Variants in ADAM10 observed in about 807,000 individuals in gnomAD.
The protein encoded by ADAM10 is disintegrin and metalloproteinase domain-containing protein 10.
Under a neutral mutation model 90.1 loss-of-function variants are expected in ADAM10, and 17 were observed. The ratio of observed to expected loss-of-function variants is 0.19; its 90% confidence interval spans 0.13 to 0.28. The LOEUF (loss-of-function observed/expected upper bound fraction) is 0.28. Ranked by LOEUF, ADAM10 falls within the 10% of genes least tolerant of loss-of-function variation. The pLI is 1.00. For missense variants in ADAM10, 610 were observed against 914.3 expected, an observed-to-expected ratio of 0.67 and a Z score of 4.29; for synonymous variants, 310 against 298.6, an observed-to-expected ratio of 1.04 and a Z score of -0.40.
chr15:58,658,338 G>A (rs1484164687), intron 5 of ADAM10, among the ~76,000 whole-genome samples: 1 of 151,980 alleles, frequency 6.6e-6, no homozygotes, highest in Admixed American at 6.5e-5. Context: ...GACTCTCTAT[G>A]TTGCTACATT....
intron 1 of ADAM10, chr15:58,748,849 C>A (rs750573428): frequency 2.5e-6 from 1 of 398,662 alleles, no homozygotes; most frequent in Non-Finnish European, 4.4e-6. Flanking sequence ...GGCCACTAGT[C>A]TCAGATAAGC....
At chr15:58,692,224 T>C in intron 2 of ADAM10, 1 of 580,590 alleles carries the variant, frequency 1.7e-6, no homozygotes, top group Non-Finnish European at 3.4e-6. Flanking sequence ...TGCCCTGAAT[T>C]CCAAATGACC....
At chr15:58,718,665 T>A (rs1168689845) in intron 1 of ADAM10, among the ~76,000 whole-genome samples, 1 of 152,200 alleles carries the variant, frequency 6.6e-6, no homozygotes, top group Non-Finnish European at 1.5e-5. Context: ...TATAGCCCTA[T>A]CTGAGCACCA....
intron 14 of ADAM10, among the ~76,000 whole-genome samples, chr15:58,606,906 C>T (rs1226449556): frequency 1.3e-5 from 2 of 152,176 alleles, no homozygotes; most frequent in Non-Finnish European, 2.9e-5. Context: ...TTTGTGGGGC[C>T]ATACAGTCAC....
rs1255934352 is a variant in ADAM10, at chr15:58,654,538, C to T, written c.586-8334G>A. 2.6e-5 allele frequency among the ~76,000 whole-genome samples: 4 copies of T among 152,112 alleles called. No individual in the cohort carries two copies. In the East Asian group the frequency reaches 7.7e-4, roughly 29 times the overall value. On this transcript the variant is annotated intron_variant, in intron 5 of 15. Coordinates refer to ENST00000260408, the MANE Select transcript of ADAM10 (RefSeq NM_001110.4). ...GGACTACAGGCATGCACCACCACAC[C>T]TGGCTAATTTTTAAACTGTTTGCAA...
At chr15:58,730,822 A>G (rs1338428590) in intron 1 of ADAM10, among the ~76,000 whole-genome samples, 1 of 152,188 alleles carries the variant, frequency 6.6e-6, no homozygotes, top group Non-Finnish European at 1.5e-5. Context: ...AAAAAAACAA[A>G]AAGGTGGAGG....
chr15:58,729,496 C>G (rs900068321), intron 1 of ADAM10, among the ~76,000 whole-genome samples: 7 of 152,172 alleles, frequency 4.6e-5, no homozygotes, highest in African/African-American at 1.4e-4. Flanking sequence ...AGGCTCTACC[C>G]CAGACTACCC....
At chr15:58,699,797 A>C (rs1462412270) in intron 2 of ADAM10, among the ~76,000 whole-genome samples, 5 of 152,098 alleles carry the variant, frequency 3.3e-5, no homozygotes, top group Admixed American at 3.3e-4. Context: ...AGAAAACCAA[A>C]AAATATACAA....
At chr15:58,715,277 C>T (rs1898619038) in intron 2 of ADAM10, among the ~76,000 whole-genome samples, 1 of 151,888 alleles carries the variant, frequency 6.6e-6, no homozygotes, top group Non-Finnish European at 1.5e-5. Flanking sequence ...CAAAAATTAG[C>T]CGGGCATGGT....
At position 58,622,127 on chromosome 15, in the gene ADAM10, GT is replaced by G. The variant is rs1399582767; in HGVS notation, c.1361-507del. ...TGTTCTTGTCTCACTTACTCCCACA[GT>G]TTTTTTCTGGAGTATTTTAAAACAA... On this transcript the variant is annotated intron_variant, in intron 10 of 15. Coordinates refer to ENST00000260408, the MANE Select transcript of ADAM10 (RefSeq NM_001110.4). Among the ~76,000 whole-genome samples the G allele has an allele frequency of 3.3e-5, 5 of 151,848 alleles. 1 individual carries two copies. Among genetic ancestry groups the G allele is most frequent in the African/African-American group, 1.2e-4 (5 of 41,340 alleles).
At chr15:58,747,335 G>A (rs572013779) in intron 1 of ADAM10, 1 of 152,270 alleles carries the variant, frequency 6.6e-6, no homozygotes, top group African/African-American at 2.4e-5. Flanking sequence ...ACACAACAGT[G>A]ACTGACAAAT....
At chr15:58,628,198 C>T (rs905746439) in intron 9 of ADAM10, among the ~76,000 whole-genome samples, 10 of 152,128 alleles carry the variant, frequency 6.6e-5, no homozygotes, top group Non-Finnish European at 1.5e-4. Context: ...AAACTAGTAA[C>T]AGTAAAATAA....
At chr15:58,686,616 G>A in intron 2 of ADAM10, 1 of 918,394 alleles carries the variant, frequency 1.1e-6, no homozygotes, top group East Asian at 2.4e-5. Flanking sequence ...GCTTTACTCT[G>A]AAGACTCTAA....
intron 2 of ADAM10, among the ~76,000 whole-genome samples, chr15:58,698,826 T>A (rs1288328395): frequency 6.6e-6 from 1 of 152,124 alleles, no homozygotes; most frequent in African/African-American, 2.4e-5. Flanking sequence ...TATTCAAATT[T>A]TCAGTGCCCC....
intron 11 of ADAM10, among the ~76,000 whole-genome samples, chr15:58,615,046 A>G (rs1165453887): frequency 6.6e-6 from 1 of 152,078 alleles, no homozygotes; most frequent in Non-Finnish European, 1.5e-5. Flanking sequence ...AGGCCGAGGC[A>G]GGCAGATCAC....
chr15:58,642,128 A>G (rs1896432102), intron 7 of ADAM10, among the ~76,000 whole-genome samples: 1 of 152,178 alleles, frequency 6.6e-6, no homozygotes, highest in Non-Finnish European at 1.5e-5. Flanking sequence ...ACTAAATATA[A>G]AAATGAAATT....
chr15:58,616,127 C>T (rs1355834040), intron 11 of ADAM10, among the ~76,000 whole-genome samples: 1 of 152,162 alleles, frequency 6.6e-6, no homozygotes, highest in African/African-American at 2.4e-5. Flanking sequence ...CACCCAGATA[C>T]ATAAAGCAAA....
rs534180760 is a variant in ADAM10, at chr15:58,717,794, T to C, written c.56-67A>G. ...AGACCCCTTCTAGTTCTAACACGAT[T>C]ATTCAAGTATCTATGAATATGTATG... On this transcript the variant is annotated intron_variant, in intron 1 of 15. Transcript: ENST00000260408. 41 of 1,561,828 alleles carry C rather than the reference T, an allele frequency of 2.6e-5. No individual in the cohort carries two copies. In the South Asian group the frequency reaches 3.0e-4, roughly 12 times the overall value.
chr15:58,665,533 A>G (rs186564175), intron 4 of ADAM10, among the ~76,000 whole-genome samples: 32 of 152,154 alleles, frequency 2.1e-4, no homozygotes, highest in Non-Finnish European at 3.8e-4. Context: ...CTGGACCATC[A>G]TCTGGCAGGG....
Sources: gnomAD v4.1 joint callset for allele counts (sites outside exome capture counted in the v4.1 genomes callset) on GRCh38, gnomAD v4.1.1 for gene constraint, MANE v1.5 for transcripts, NCBI Gene and HGNC (gene_info 2026-07-23, HGNC 2026-07-21) for gene names.